Variants in PARP8 observed in about 807,000 individuals in gnomAD.
PARP8 encodes the protein protein mono-ADP-ribosyltransferase PARP8.
In PARP8, 51 loss-of-function variants were observed where a neutral mutation model predicts 124.1. That is an observed-to-expected ratio of 0.41 (90% confidence interval 0.33 to 0.52). The LOEUF (loss-of-function observed/expected upper bound fraction) is 0.52. PARP8 is among the 20% of genes least tolerant of loss of function. PARP8 has a pLI of 0.21. For missense variants in PARP8, 860 were observed against 1,018.9 expected, an observed-to-expected ratio of 0.84 and a Z score of 2.12; for synonymous variants, 391 against 361.5, an observed-to-expected ratio of 1.08 and a Z score of -0.93.
At chr5:50,757,323 C>A in intron 3 of PARP8, 2 of 326,996 alleles carry the variant, frequency 6.1e-6, no homozygotes, top group East Asian at 7.7e-5. Flanking sequence ...CAAAAATCTT[C>A]CAAAAAGAGA....
chr5:50,760,255 G>A, intron 4 of PARP8, 37 bp from the exon 5 acceptor site: 1 of 1,419,992 alleles, frequency 7.0e-7, no homozygotes, highest in Non-Finnish European at 9.5e-7. Context: ...AGCATACTAA[G>A]TATCATAATA....
intron 3 of PARP8, 71 bp downstream of exon 3, chr5:50,750,259 G>A: frequency 1.6e-6 from 2 of 1,249,482 alleles, no homozygotes; most frequent in South Asian, 1.2e-5. Context: ...TTCTGGAGAT[G>A]TAAAACGCAT....
At chr5:50,701,998 CA>C (rs563923783) in intron 2 of PARP8, among the ~76,000 whole-genome samples, 28 of 152,218 alleles carry the variant, frequency 1.8e-4, no homozygotes, top group African/African-American at 6.0e-4. Flanking sequence ...TAAACTATTA[CA>C]TTTTTCTGGT....
At chr5:50,690,570 C>T (rs563260242) in intron 2 of PARP8, among the ~76,000 whole-genome samples, 162 of 152,266 alleles carry the variant, frequency 1.1e-3, no homozygotes, top group African/African-American at 3.9e-3. Flanking sequence ...TTTACCTCTT[C>T]CTTTTTTAGC....
At chr5:50,796,171 G>A (rs542832332) in intron 12 of PARP8, among the ~76,000 whole-genome samples, 4 of 152,166 alleles carry the variant, frequency 2.6e-5, no homozygotes, top group Middle Eastern at 3.4e-3. Flanking sequence ...GAAAAGTTTT[G>A]TTTCCTTTTG....
At chr5:50,670,652 A>G (rs574007983) in intron 2 of PARP8, among the ~76,000 whole-genome samples, 1 of 152,330 alleles carries the variant, frequency 6.6e-6, no homozygotes, top group South Asian at 2.1e-4. Flanking sequence ...GGAAAGGTTC[A>G]TGGAATTATA....
intron 5 of PARP8, among the ~76,000 whole-genome samples, chr5:50,761,257 G>C (rs1760510139): frequency 6.6e-6 from 1 of 151,964 alleles, no homozygotes; most frequent in Non-Finnish European, 1.5e-5. Context: ...CAGTTAATTA[G>C]AAACTCAAAT....
At chr5:50,686,940 C>T (rs1282636703) in intron 2 of PARP8, among the ~76,000 whole-genome samples, 6 of 152,254 alleles carry the variant, frequency 3.9e-5, no homozygotes, top group East Asian at 1.9e-4. Context: ...GAGGGGCTGC[C>T]GTGAAGACCT....
intron 2 of PARP8, among the ~76,000 whole-genome samples, chr5:50,733,753 T>A (rs1359288895): frequency 6.6e-6 from 1 of 152,196 alleles, no homozygotes; most frequent in African/African-American, 2.4e-5. Flanking sequence ...AAACTTTTTT[T>A]TTGTCATGTG....
chr5:50,741,618 C>T (rs1758048643), intron 2 of PARP8, among the ~76,000 whole-genome samples: 1 of 152,120 alleles, frequency 6.6e-6, no homozygotes, highest in South Asian at 2.1e-4. Flanking sequence ...AAAAACATTA[C>T]TTTTGATCCT....
chr5:50,668,811 C>T (rs890056973), intron 2 of PARP8: 3 of 152,226 alleles, frequency 2.0e-5, no homozygotes, highest in African/African-American at 7.2e-5. Flanking sequence ...GCTACCTTCA[C>T]TTGTTGAGTT....
At position 50,843,715 on chromosome 5, in the gene PARP8, T is replaced by C. The variant is rs1168701030; in HGVS notation, c.*1647T>C. On this transcript the variant is annotated 3_prime_UTR_variant, in exon 26 of 26. Transcript: ENST00000281631. The stretch of plus-strand genomic sequence containing the variant: ...AGATATAATATCCTATCCAGTGTTT[T>C]GTGACCACTTATTTGAAGATTAGTG... The C allele has an allele frequency of 6.6e-6, 1 of 151,818 alleles. No homozygotes were observed. The highest frequency in any genetic ancestry group is 1.9e-4 in the East Asian group (1 of 5,170). 9.4% of individuals were successfully genotyped at this position (151,818 alleles called of 1,614,324 possible).
intron 2 of PARP8, among the ~76,000 whole-genome samples, chr5:50,705,179 C>G (rs1452116309): frequency 6.6e-6 from 1 of 152,008 alleles, no homozygotes; most frequent in Non-Finnish European, 1.5e-5. Context: ...CAGCATGGCT[C>G]AAGAGAATAT....
intron 7 of PARP8, among the ~76,000 whole-genome samples, chr5:50,769,446 G>A (rs1761383742): frequency 6.6e-6 from 1 of 152,006 alleles, no homozygotes; most frequent in African/African-American, 2.4e-5. Context: ...TGATAACCTG[G>A]CTGGTGTAAT....
chr5:50,733,928 CG>C (rs1455535001), intron 2 of PARP8, among the ~76,000 whole-genome samples: 1 of 152,130 alleles, frequency 6.6e-6, no homozygotes, highest in African/African-American at 2.4e-5. Context: ...CCTCCAAAAG[CG>C]TAACTTAAGT....
chr5:50,778,225 C>A, intron 8 of PARP8, 96 bp downstream of exon 8: 2 of 912,986 alleles, frequency 2.2e-6, no homozygotes, highest in Non-Finnish European at 3.3e-6. Flanking sequence ...TCTTATAATA[C>A]TATTAGTTAC....
At chr5:50,697,871 T>C (rs920433398) in intron 2 of PARP8, among the ~76,000 whole-genome samples, 3 of 152,222 alleles carry the variant, frequency 2.0e-5, no homozygotes, top group Admixed American at 6.5e-5. Context: ...GCATATATAC[T>C]CTTGTTACTT....
At chr5:50,750,009 T>C (rs949279141) in intron 2 of PARP8, 142 bp from the exon 3 acceptor site, 1 of 677,144 alleles carries the variant, frequency 1.5e-6, no homozygotes, top group Middle Eastern at 3.1e-4. Context: ...AAAGTGGTTT[T>C]CTAATCTGTT....
At chr5:50,804,992 C>G (rs1175176662) in intron 14 of PARP8, among the ~76,000 whole-genome samples, 1 of 151,910 alleles carries the variant, frequency 6.6e-6, no homozygotes, top group Non-Finnish European at 1.5e-5. Context: ...TACCAAGATT[C>G]AGCTGTTGAT....
Sources: allele counts gnomAD v4.1 joint callset (sites outside exome capture counted in the v4.1 genomes callset), GRCh38; gene constraint gnomAD v4.1.1; transcripts MANE v1.5; gene names NCBI Gene and HGNC (gene_info 2026-07-23, HGNC 2026-07-21).